Variants in SPACA6 observed in about 807,000 individuals in gnomAD.
SPACA6 encodes the protein sperm acrosome associated 6.
For synonymous variants in SPACA6, 6 were observed against 1.5 expected (o/e 4.05, Z -2.21); for missense variants, 8 against 2.8 (o/e 2.88, Z -1.34).
chr19:51,691,563 AGGCGATG>A (rs2083373115), upstream of SPACA6, among the ~76,000 whole-genome samples: 2 of 151,482 alleles, frequency 1.3e-5, no homozygotes, highest in African/African-American at 4.8e-5. Flanking sequence ...GAGAGGAGAG[AGGCGATG>A]GGCAGAGAGA....
At chr19:51,686,552 T>C (rs2083329141), upstream of SPACA6, 1 of 152,198 alleles carries the variant, frequency 6.6e-6, no homozygotes, top group African/African-American at 2.4e-5. Context: ...AGGGTCCTTC[T>C]TAATCATACA....
downstream of SPACA6, among the ~76,000 whole-genome samples, chr19:51,709,233 AAG>A (rs1555793754): frequency 2.0e-5 from 3 of 151,376 alleles, no homozygotes; most frequent in Admixed American, 6.6e-5. Flanking sequence ...AAAAAAAAAA[AAG>A]AGCAAGGTGC....
intron 1 of SPACA6, chr19:51,694,014 T>A: frequency 3.5e-6 from 1 of 283,332 alleles, no homozygotes; most frequent in Non-Finnish European, 6.2e-6. Context: ...GAGAGGAAGA[T>A]GGAGACTCGG....
Position 51,702,238 on chromosome 19 carries a change from A to G in SPACA6, c.362-391A>G, listed in dbSNP as rs78786489. Among the ~76,000 whole-genome samples the G allele has an allele frequency of 4.3e-3, 658 of 151,296 alleles. 40 individuals carry two copies. In the East Asian group the frequency reaches 0.1, roughly 24 times the overall value. ...AACTGAGCCCCTTTCCGGGACTACTACTAACCTGGCCACGCCTCTTCTCTA... is the reference window on the plus strand; with the variant it reads ...AACTGAGCCCCTTTCCGGGACTACTGCTAACCTGGCCACGCCTCTTCTCTA... On this transcript the variant is annotated intron_variant, in intron 3 of 8. Coordinates refer to ENST00000637797, the MANE Select transcript of SPACA6 (RefSeq NM_001316972.2).
At chr19:51,706,876 C>A (rs751012084), downstream of SPACA6, among the ~76,000 whole-genome samples, 1 of 152,228 alleles carries the variant, frequency 6.6e-6, no homozygotes, top group Non-Finnish European at 1.5e-5. Context: ...CCAGGCTGAT[C>A]TCAAACTCCT....
At chr19:51,697,872 T>C (rs1337189276) in intron 2 of SPACA6, among the ~76,000 whole-genome samples, 1 of 152,204 alleles carries the variant, frequency 6.6e-6, no homozygotes, top group Non-Finnish European at 1.5e-5. Flanking sequence ...CATGTGATTT[T>C]GGACCACTTC....
chr19:51,706,232 T>A (rs2122232117), downstream of SPACA6, among the ~76,000 whole-genome samples: 2 of 152,330 alleles, frequency 1.3e-5, no homozygotes, highest in South Asian at 4.1e-4. Context: ...ATCATGATAC[T>A]TCTTGCCCTC....
rs1402553173 is a variant in SPACA6 at position 51,703,499 on chromosome 19, A to G, written c.573+162A>G. On this transcript the variant is annotated intron_variant, in intron 6 of 8. Coordinates refer to ENST00000637797, the MANE Select transcript of SPACA6 (RefSeq NM_001316972.2). The surrounding 1 kb of genome is among the most constrained non-coding windows in gnomAD (Gnocchi z 4.2). Reference sequence around the variant, plus strand: ...GGATTTAGGGGAGAGCTCGAAGATCAGAATGCAGGACCAAGGACCTGGGGC... The same window carrying G: ...GGATTTAGGGGAGAGCTCGAAGATCGGAATGCAGGACCAAGGACCTGGGGC... Among the ~76,000 whole-genome samples the G allele has an allele frequency of 6.6e-6, 1 of 152,168 alleles. No individual in the cohort carries two copies. The highest frequency in any genetic ancestry group is 1.5e-5 in the Non-Finnish European group (1 of 68,020).
At chr19:51,687,774 C>T (rs972175105), upstream of SPACA6, 2 of 152,302 alleles carry the variant, frequency 1.3e-5, no homozygotes, top group Non-Finnish European at 1.5e-5. Context: ...CCTCTACCCT[C>T]TTCTTCCTCC....
In SPACA6 at chr19:51,695,239, G is replaced by T. The variant is rs1273991335; in HGVS notation, c.292+684G>T. Among the ~76,000 whole-genome samples the T allele has an allele frequency of 2.0e-5, 3 of 152,202 alleles. No individual in the cohort carries two copies. In the East Asian group the frequency reaches 5.8e-4, roughly 29 times the overall value. ...GACAGGCACATGTGACAGCCTTGAG[G>T]TGTGTGGCTGTGCGAAGAGACCTCA... On this transcript the variant is annotated intron_variant, in intron 2 of 8. Transcript: ENST00000637797.
chr19:51,709,084 C>T (rs879418853), downstream of SPACA6, among the ~76,000 whole-genome samples: 5 of 152,006 alleles, frequency 3.3e-5, no homozygotes, highest in Non-Finnish European at 7.4e-5. Flanking sequence ...TGAGGGTCGG[C>T]TGGGTGTGGT....
At chr19:51,710,208 T>G (rs893568321), downstream of SPACA6, among the ~76,000 whole-genome samples, 1 of 152,246 alleles carries the variant, frequency 6.6e-6, no homozygotes, top group African/African-American at 2.4e-5. Context: ...TGTGGCTCAC[T>G]CTTAACTCTT....
downstream of SPACA6, among the ~76,000 whole-genome samples, chr19:51,705,774 G>A (rs1301499977): frequency 1.3e-5 from 2 of 151,970 alleles, no homozygotes; most frequent in Non-Finnish European, 2.9e-5. Flanking sequence ...TCAGCTCACT[G>A]CAACCTCCAC....
intron 2 of SPACA6, among the ~76,000 whole-genome samples, chr19:51,695,602 G>A (rs2083424019): frequency 6.6e-6 from 1 of 152,194 alleles, no homozygotes; most frequent in South Asian, 2.1e-4. Context: ...CCACCCTAAA[G>A]GGAGACCTGA....
rs1250388520 is a variant in SPACA6 at position 51,704,145 on chromosome 19, AAGAC to A, written c.690_693del (p.Gln230HisfsTer14). The A allele has an allele frequency of 2.5e-6, 1 of 401,020 alleles. No individual in the cohort carries two copies. Among genetic ancestry groups the A allele is most frequent in the Non-Finnish European group, 4.4e-6 (1 of 226,172 alleles). The allele number at this position is 401,020 out of a possible 1,614,324, so 24.8% of individuals were successfully genotyped here. A position where few individuals can be genotyped will look rare whatever the true frequency, so the allele number is the denominator to read the frequency against. ...GGGACGTTCTCCTGCGTGATCAAGCAAGACCAGCGCCCCCTGGCCCGGCTCTACT... is the reference window on the plus strand; with the variant it reads ...GGGACGTTCTCCTGCGTGATCAAGCACAGCGCCCCCTGGCCCGGCTCTACT... On this transcript the variant is annotated frameshift_variant, in exon 7 of 9. Transcript: ENST00000637797. LOFTEE classifies it high-confidence loss of function.
chr19:51,701,535 C>T (rs2122218060), intron 2 of SPACA6, 123 bp from the exon 3 acceptor site: 1 of 389,554 alleles, frequency 2.6e-6, no homozygotes, highest in Non-Finnish European at 4.5e-6. Flanking sequence ...GATACCATGA[C>T]AGTACGTCCT....
At chr19:51,693,263 C>A, upstream of SPACA6, 1 of 720,718 alleles carries the variant, frequency 1.4e-6, no homozygotes, top group Non-Finnish European at 2.6e-6. Flanking sequence ...TTGCCAGTCT[C>A]TAGGTCCCTG....
chr19:51,704,188 T>G lies in SPACA6; in HGVS notation c.730+2T>G. The G allele has an allele frequency of 5.0e-6, 2 of 398,618 alleles. No homozygotes were observed. Among genetic ancestry groups the G allele is most frequent in the Non-Finnish European group, 8.9e-6 (2 of 225,410 alleles). 24.7% of individuals were successfully genotyped at this position (398,618 alleles called of 1,614,324 possible). A position where few individuals can be genotyped will look rare whatever the true frequency, so the allele number is the denominator to read the frequency against. The stretch of plus-strand genomic sequence containing the variant: ...CCCGGCTCTACTTCTTTCTTAACGG[T>G]GGGGCGGGGCGCGGCCGCGTGAGTG... On this transcript the variant is annotated splice_donor_variant, in intron 7 of 8. Coordinates refer to ENST00000637797, the MANE Select transcript of SPACA6 (RefSeq NM_001316972.2). LOFTEE classifies it high-confidence loss of function.
At chr19:51,701,890 T>C in intron 3 of SPACA6, 164 bp downstream of exon 3, 1 of 366,528 alleles carries the variant, frequency 2.7e-6, no homozygotes, top group Non-Finnish European at 4.9e-6. Context: ...CTGACCAACA[T>C]GGTGATACCC....
Sources: gnomAD v4.1 joint callset for allele counts (sites outside exome capture counted in the v4.1 genomes callset) on GRCh38, gnomAD v4.1.1 for gene constraint, Gnocchi (gnomAD v3.1) non-coding constraint, MANE v1.5 for transcripts, NCBI Gene and HGNC (gene_info 2026-07-23, HGNC 2026-07-21) for gene names.